ANGPT1: variants seen among roughly 807,000 people sequenced by gnomAD.
ANGPT1 encodes the protein angiopoietin-1.
Under a neutral mutation model 62.2 loss-of-function variants are expected in ANGPT1, and 17 were observed. The observed-to-expected ratio is 0.27, with a 90% confidence interval of 0.19 to 0.41. ANGPT1 has a LOEUF of 0.41. ANGPT1 is among the 10% of genes least tolerant of loss of function. The pLI, the probability that ANGPT1 is intolerant of heterozygous loss-of-function variation, is 1.00. For synonymous variants in ANGPT1, 199 were observed against 198.9 expected, an observed-to-expected ratio of 1.00 and a Z score of 0.00; for missense variants, 478 against 594.9, an observed-to-expected ratio of 0.80 and a Z score of 2.04.
At position 107,370,376 on chromosome 8, in the gene ANGPT1, G is replaced by GA. The variant is rs1200807725; in HGVS notation, c.298-23280dup. Among the ~76,000 whole-genome samples the GA allele has an allele frequency of 8.9e-5, 4 of 45,188 alleles. No individual in the cohort carries two copies. The East Asian group carries it at 4.5e-3, about 51-fold the overall frequency. 29.6% of individuals were successfully genotyped at this position (45,188 alleles called of 152,430 possible). A position where few individuals can be genotyped will look rare whatever the true frequency, so the allele number is the denominator to read the frequency against. On this transcript the variant is annotated intron_variant, in intron 1 of 8. Coordinates refer to ENST00000517746, the MANE Select transcript of ANGPT1 (RefSeq NM_001146.5). ...AGAAAGAAAGAAAGAAAGAAAGAAA[G>GA]AAAGAAAGAAAGAAAGAAAGAAAGA... is the stretch of plus-strand genomic sequence containing the variant.
intron 1 of ANGPT1, among the ~76,000 whole-genome samples, chr8:107,436,054 T>C (rs1811323671): frequency 6.6e-6 from 1 of 152,080 alleles, no homozygotes; most frequent in East Asian, 1.9e-4. Context: ...AGGAGTGCAC[T>C]ACCATGCTTG....
At chr8:107,445,911 A>C (rs553567998) in intron 1 of ANGPT1, among the ~76,000 whole-genome samples, 1 of 152,242 alleles carries the variant, frequency 6.6e-6, no homozygotes, top group East Asian at 1.9e-4. Flanking sequence ...TAATTAATTA[A>C]TTAATTAACT....
chr8:107,406,705 C>T (rs987013260), intron 1 of ANGPT1, among the ~76,000 whole-genome samples: 1 of 151,706 alleles, frequency 6.6e-6, no homozygotes, highest in Admixed American at 6.6e-5. Flanking sequence ...CCCTTTTTGT[C>T]GTTTATAATA....
chr8:107,408,952 T>C (rs1275854815), intron 1 of ANGPT1, among the ~76,000 whole-genome samples: 1 of 152,230 alleles, frequency 6.6e-6, no homozygotes, highest in East Asian at 1.9e-4. Flanking sequence ...TAATAAATTA[T>C]ACTCCAACAT....
intron 1 of ANGPT1, among the ~76,000 whole-genome samples, chr8:107,483,151 TATAGAG>T (rs1812729550): frequency 6.6e-6 from 1 of 152,222 alleles, no homozygotes; most frequent in Non-Finnish European, 1.5e-5. Context: ...TAGGATACTA[TATAGAG>T]ATAATTTATG....
rs182118402 is a variant in ANGPT1 at position 107,478,469 on chromosome 8, A to G, written c.297+18793T>C. ...GAGGCTGAGGCAGGAGAATAGATTCAACCTGGGAGGCAGAGGTTGCAGTAA... is the reference window on the plus strand; with the variant it reads ...GAGGCTGAGGCAGGAGAATAGATTCGACCTGGGAGGCAGAGGTTGCAGTAA... On this transcript the variant is annotated intron_variant, in intron 1 of 8. Transcript: ENST00000517746. Among the ~76,000 whole-genome samples, 91 of 152,266 alleles carry G rather than the reference A, an allele frequency of 6.0e-4. 1 individual carries two copies. Among genetic ancestry groups the G allele is most frequent in the African/African-American group, 2.0e-3 (84 of 41,564 alleles).
At chr8:107,344,096 G>A (rs1336005556) in intron 2 of ANGPT1, among the ~76,000 whole-genome samples, 1 of 151,836 alleles carries the variant, frequency 6.6e-6, no homozygotes, top group African/African-American at 2.4e-5. Flanking sequence ...AATAAACATA[G>A]GATGGTATAT....
intron 1 of ANGPT1, among the ~76,000 whole-genome samples, chr8:107,459,514 AACAAC>A (rs1586340808): frequency 6.6e-6 from 1 of 151,916 alleles, no homozygotes; most frequent in East Asian, 1.9e-4. Flanking sequence ...CAACAACAAC[AACAAC>A]AACAACAACA....
intron 1 of ANGPT1, among the ~76,000 whole-genome samples, chr8:107,452,995 G>A (rs1433167): frequency 0.52 from 79,238 of 151,762 alleles, 21,200 homozygotes; most frequent in Middle Eastern, 0.6. Context: ...TACATTGCAC[G>A]GGGAAAATTC....
intron 1 of ANGPT1, among the ~76,000 whole-genome samples, chr8:107,359,506 A>T (rs1816115767): frequency 6.6e-6 from 1 of 152,212 alleles, no homozygotes; most frequent in African/African-American, 2.4e-5. Context: ...TTATTCTCAA[A>T]CATAAATTAC....
chr8:107,470,472 A>G (rs1010593044), intron 1 of ANGPT1, among the ~76,000 whole-genome samples: 1 of 113,830 alleles, frequency 8.8e-6, no homozygotes, highest in Non-Finnish European at 1.9e-5. Context: ...TCATTTTTCT[A>G]TGTTCACAAA....
At chr8:107,481,256 C>T (rs2130520630) in intron 1 of ANGPT1, among the ~76,000 whole-genome samples, 1 of 152,172 alleles carries the variant, frequency 6.6e-6, no homozygotes, top group East Asian at 1.9e-4. Flanking sequence ...TAAAAGGGGC[C>T]AGGTGAGGTG....
intron 2 of ANGPT1, among the ~76,000 whole-genome samples, chr8:107,343,152 A>T (rs1177212954): frequency 6.6e-6 from 1 of 151,920 alleles, no homozygotes; most frequent in Non-Finnish European, 1.5e-5. Flanking sequence ...TATATTTCTA[A>T]TGAGTGCTAT....
At chr8:107,442,609 G>A (rs748438569) in intron 1 of ANGPT1, among the ~76,000 whole-genome samples, 4 of 152,102 alleles carry the variant, frequency 2.6e-5, no homozygotes, top group Non-Finnish European at 5.9e-5. Context: ...AAGCTATTGG[G>A]TTAGCTTTAT....
intron 1 of ANGPT1, among the ~76,000 whole-genome samples, chr8:107,377,671 C>T (rs949543070): frequency 5.9e-5 from 9 of 152,280 alleles, no homozygotes; most frequent in East Asian, 1.9e-4. Context: ...GTGATGTAAG[C>T]GTTGTCTCAC....
chr8:107,349,365 T>TAA, intron 1 of ANGPT1, among the ~76,000 whole-genome samples: 1 of 152,224 alleles, frequency 6.6e-6, no homozygotes, highest in Middle Eastern at 3.4e-3. Context: ...TTTTAACACT[T>TAA]ACAACCAAGA....
chr8:107,459,288 G>T (rs1474804995), intron 1 of ANGPT1, among the ~76,000 whole-genome samples: 2 of 152,076 alleles, frequency 1.3e-5, no homozygotes, highest in Non-Finnish European at 2.9e-5. Context: ...AGTGGCTCAC[G>T]CTTGTAATCC....
chr8:107,336,323 T>A (rs1195039542), intron 2 of ANGPT1, 52 bp from the exon 3 acceptor site: 1 of 1,541,100 alleles, frequency 6.5e-7, no homozygotes, highest in Non-Finnish European at 8.7e-7. Context: ...ATCAAAGAAC[T>A]TTTTTAAGTT....
chr8:107,297,724 T>A (rs1279197669), intron 5 of ANGPT1, among the ~76,000 whole-genome samples: 2 of 150,500 alleles, frequency 1.3e-5, no homozygotes, highest in African/African-American at 4.9e-5. Context: ...TCTTTGAGCA[T>A]GCCACCTTTC....
Sources: gnomAD v4.1 joint callset for allele counts (sites outside exome capture counted in the v4.1 genomes callset) on GRCh38, gnomAD v4.1.1 for gene constraint, MANE v1.5 for transcripts, NCBI Gene and HGNC (gene_info 2026-07-23, HGNC 2026-07-21) for gene names.